Variants in ING3 observed in about 807,000 individuals in gnomAD.
ING3 encodes inhibitor of growth family member 3, also known as inhibitor of growth protein 3.
Under a neutral mutation model 64.8 loss-of-function variants are expected in ING3, and 6 were observed. The observed-to-expected ratio is 0.09, with a 90% confidence interval of 0.05 to 0.18. ING3 has a LOEUF of 0.18. Among genes scored for constraint, ING3 ranks in the 10% least tolerant of loss-of-function variants. The pLI is 1.00. For missense variants in ING3, 310 were observed against 489.7 expected, an observed-to-expected ratio of 0.63 and a Z score of 3.46; for synonymous variants, 170 against 173.7, an observed-to-expected ratio of 0.98 and a Z score of 0.17.
At chr7:120,957,234 T>C (rs1795862375) in intron 4 of ING3, among the ~76,000 whole-genome samples, 1 of 151,944 alleles carries the variant, frequency 6.6e-6, no homozygotes, top group Admixed American at 6.6e-5. Context: ...TAGCCGGGCC[T>C]GGTGGCGGGT....
intron 3 of ING3, among the ~76,000 whole-genome samples, chr7:120,955,282 C>T (rs920699252): frequency 1.3e-5 from 2 of 152,170 alleles, no homozygotes; most frequent in Non-Finnish European, 2.9e-5. Context: ...GCGCCCACTA[C>T]CATGCCCGGC....
chr7:120,970,172 C>G (rs1014265413), intron 9 of ING3, among the ~76,000 whole-genome samples: 1 of 151,782 alleles, frequency 6.6e-6, no homozygotes, highest in African/African-American at 2.4e-5. Context: ...CTTAAAAATA[C>G]GAATAATGAG....
Position 120,970,173 on chromosome 7 carries a change from G to A in ING3, c.909-515G>A, listed in dbSNP as rs115523195. Among the ~76,000 whole-genome samples, 763 of 151,970 alleles carry A rather than the reference G, an allele frequency of 5.0e-3. 7 individuals are homozygous for A. The highest frequency in any genetic ancestry group is 0.017 in the African/African-American group (700 of 41,378). On this transcript the variant is annotated intron_variant, in intron 9 of 11. Transcript: ENST00000315870. ...GAGTATTCAGTTTACTTAAAAATAC[G>A]AATAATGAGTGGCTGGGCGGGGTGG...
chr7:120,956,574 T>C (rs1795850602), intron 4 of ING3: 9 of 993,096 alleles, frequency 9.1e-6, no homozygotes, highest in Non-Finnish European at 9.6e-6. Flanking sequence ...ATTTTAATGG[T>C]GCTAACAACC....
chr7:120,956,559 C>T lies in ING3; in HGVS notation c.267+935C>T, dbSNP rs539073858. The T allele has an allele frequency of 1.7e-4, 176 of 1,005,846 alleles. 1 individual carries two copies. In the African/African-American group the frequency reaches 2.9e-3, roughly 16 times the overall value. The allele number at this position is 1,005,846 out of a possible 1,614,324, so 62.3% of individuals were successfully genotyped here. ...AATGTCTAGTTGTTTTTATGTAGTA[C>T]ACACATTTTAATGGTGCTAACAACC... On this transcript the variant is annotated intron_variant, in intron 4 of 11. Coordinates refer to ENST00000315870, the MANE Select transcript of ING3 (RefSeq NM_019071.3).
Position 120,953,380 on chromosome 7 carries a change from A to G in ING3, c.177A>G (p.Glu59=), listed in dbSNP as rs748866588. ...AGAAAAATAAACCTGAGTGGAGGGA[A>G]GAGCAAATGGCATCCATCAAAAAAG... ...NAKKNKPEWR[E]EQMASIKKDY... Residue 59 remains glutamate, a synonymous_variant, in exon 3 of 12, where the codon GAA becomes GAG. Transcript: ENST00000315870. 1 of 1,605,148 alleles carries G rather than the reference A, an allele frequency of 6.2e-7. No individual in the cohort carries two copies. Among genetic ancestry groups the G allele is most frequent in the Non-Finnish European group, 8.5e-7 (1 of 1,174,580 alleles).
In ING3 at chr7:120,953,276, A is replaced by C. The variant is rs1300144938; in HGVS notation, c.101-28A>C. 2.9e-6 allele frequency: 4 copies of C among 1,376,180 alleles called. No homozygotes were observed. In the East Asian group the frequency reaches 9.5e-5, roughly 33 times the overall value. 85.2% of individuals were successfully genotyped at this position (1,376,180 alleles called of 1,614,324 possible). On this transcript the variant is annotated intron_variant, in intron 2 of 11. Transcript: ENST00000315870. ...ATTTAGTATATGAATTTGGTCATTT[A>C]ATATGAATTTTTTTTATTATGTCAT...
intron 10 of ING3, among the ~76,000 whole-genome samples, chr7:120,971,495 A>G (rs1796069486): frequency 6.6e-6 from 1 of 152,178 alleles, no homozygotes; most frequent in Non-Finnish European, 1.5e-5. Flanking sequence ...GCATTTCATA[A>G]CACGTGTCTA....
intron 3 of ING3, among the ~76,000 whole-genome samples, chr7:120,954,867 A>G (rs1359262526): frequency 6.6e-6 from 1 of 152,086 alleles, no homozygotes; most frequent in African/African-American, 2.4e-5. Context: ...AATGCAGATC[A>G]GAATCCTTTC....
intron 9 of ING3, among the ~76,000 whole-genome samples, 180 bp downstream of exon 9, chr7:120,969,384 A>AAT (rs1796039039): frequency 6.6e-6 from 1 of 152,200 alleles, no homozygotes; most frequent in South Asian, 2.1e-4. Flanking sequence ...CAAGTCTTTA[A>AAT]AAAGTGTTAG....
At position 120,966,842 on chromosome 7, in the gene ING3, C is replaced by A. The variant is rs553090802; in HGVS notation, c.436+145C>A. ...TCATTGCAAGTACTGGCAGACTTGT[C>A]TTTTTCCTTGGGGGGAGCATATGTG... On this transcript the variant is annotated intron_variant, in intron 6 of 11. Transcript: ENST00000315870. The A allele has an allele frequency of 4.5e-6, 3 of 664,006 alleles. No individual in the cohort carries two copies. The African/African-American group carries it at 5.4e-5, about 12-fold the overall frequency. 41.1% of individuals were successfully genotyped at this position (664,006 alleles called of 1,614,324 possible).
chr7:120,965,434 G>C (rs559441558), intron 5 of ING3, among the ~76,000 whole-genome samples: 1 of 152,128 alleles, frequency 6.6e-6, no homozygotes, highest in African/African-American at 2.4e-5. Context: ...ATGGAAGCAT[G>C]AGCACTGTTT....
In ING3 at chr7:120,950,786, A is replaced by T; in HGVS notation, c.-111A>T. 1 of 390,742 alleles carries T rather than the reference A, an allele frequency of 2.6e-6. No individual in the cohort carries two copies. The highest frequency in any genetic ancestry group is 4.5e-6 in the Non-Finnish European group (1 of 220,532). The allele number at this position is 390,742 out of a possible 1,614,324, so 24.2% of individuals were successfully genotyped here. On this transcript the variant is annotated 5_prime_UTR_variant, in exon 1 of 12. Coordinates refer to ENST00000315870, the MANE Select transcript of ING3 (RefSeq NM_019071.3). ...TCTTTTTTTTTTTTTGCCGGAGTCG[A>T]GCGGGTGCTGCTAGCGGAGGCGCCA...
intron 4 of ING3, among the ~76,000 whole-genome samples, chr7:120,960,539 G>T (rs1204797994): frequency 6.6e-6 from 1 of 151,990 alleles, no homozygotes; most frequent in Non-Finnish European, 1.5e-5. Flanking sequence ...GTTTTATATG[G>T]CGTTGCATTT....
intron 4 of ING3, among the ~76,000 whole-genome samples, chr7:120,963,429 C>G (rs1314090168): frequency 6.7e-6 from 1 of 148,634 alleles, no homozygotes; most frequent in Non-Finnish European, 1.5e-5. Context: ...TTATATTATT[C>G]TGAAGAATGT....
At chr7:120,958,800 A>C (rs1041799924) in intron 4 of ING3, among the ~76,000 whole-genome samples, 1 of 152,204 alleles carries the variant, frequency 6.6e-6, no homozygotes, top group Non-Finnish European at 1.5e-5. Flanking sequence ...AGGCAATCTA[A>C]TATAAATCGT....
At chr7:120,973,949 T>G (rs1796103130) in intron 11 of ING3, among the ~76,000 whole-genome samples, 1 of 152,180 alleles carries the variant, frequency 6.6e-6, no homozygotes, top group South Asian at 2.1e-4. Context: ...AAATGTGTAC[T>G]TTTCCTAGAC....
Position 120,955,371 on chromosome 7 carries a change from C to T in ING3, c.202-188C>T, listed in dbSNP as rs796697344. Among the ~76,000 whole-genome samples, 10 of 152,272 alleles carry T rather than the reference C, an allele frequency of 6.6e-5. 1 individual carries two copies. The highest frequency in any genetic ancestry group is 2.4e-4 in the African/African-American group (10 of 41,546). ...CCCAAACTCCTGACCTCAAGTCATC[C>T]GTCCTCCTTGGCCTCCAAAAGGGAT... On this transcript the variant is annotated intron_variant, in intron 3 of 11. Transcript: ENST00000315870.
chr7:120,960,237 G>A (rs150704279), intron 4 of ING3, among the ~76,000 whole-genome samples: 7 of 152,262 alleles, frequency 4.6e-5, no homozygotes, highest in African/African-American at 1.7e-4. Context: ...GGGGTGGTTG[G>A]TCTGTGGTCT....
Sources: allele counts gnomAD v4.1 joint callset (sites outside exome capture counted in the v4.1 genomes callset), GRCh38; gene constraint gnomAD v4.1.1; transcripts MANE v1.5; gene names NCBI Gene and HGNC (gene_info 2026-07-23, HGNC 2026-07-21).